The following CSMD1 variants were observed in gnomAD, a reference collection of about 807,000 sequenced individuals.
The protein encoded by CSMD1 is CUB and Sushi multiple domains 1.
Under a neutral mutation model 417.5 loss-of-function variants are expected in CSMD1, and 213 were observed. The observed-to-expected ratio is 0.51, with a 90% CI of 0.46 to 0.57. The LOEUF is 0.57. Ranked by LOEUF, CSMD1 falls within the 20% of genes least tolerant of loss-of-function variation. CSMD1 has a pLI of 0.00. For missense variants in CSMD1, 6,923 were observed against 4,529.7 expected (o/e 1.53, Z -15.17); for synonymous variants, 2,862 against 1,736.8 (o/e 1.65, Z -16.11).
At chr8:3,273,339 T>C (rs1802013573) in intron 26 of CSMD1, among the ~76,000 whole-genome samples, 1 of 152,104 alleles carries the variant, frequency 6.6e-6, no homozygotes, top group Admixed American at 6.5e-5. Flanking sequence ...TTTGCCAGTA[T>C]TTTATTGAGG....
chr8:4,390,497 T>TTTTATTTATTTGTTTATTTA (rs1803772211), intron 3 of CSMD1, among the ~76,000 whole-genome samples: 1 of 140,324 alleles, frequency 7.1e-6, no homozygotes, highest in South Asian at 2.3e-4. Context: ...AAGCGTCCAT[T>TTTTATTTATTTGTTTATTTA]TTTATTTATT....
chr8:3,712,371 A>T, intron 6 of CSMD1, among the ~76,000 whole-genome samples: 1 of 125,830 alleles, frequency 7.9e-6, no homozygotes, highest in Non-Finnish European at 1.7e-5. Flanking sequence ...TTTGCAAAGA[A>T]ACAGGAGAGA....
intron 6 of CSMD1, among the ~76,000 whole-genome samples, chr8:3,738,921 C>G (rs1255669325): frequency 3.3e-5 from 5 of 152,126 alleles, no homozygotes; most frequent in Non-Finnish European, 7.4e-5. Context: ...ATGGTCTTCC[C>G]TCTGTCCTTG....
intron 5 of CSMD1, among the ~76,000 whole-genome samples, chr8:3,800,235 T>C (rs1800382698): frequency 6.6e-6 from 1 of 152,276 alleles, no homozygotes; most frequent in East Asian, 1.9e-4. Context: ...GATGATACAG[T>C]CATCCTTTAT....
chr8:4,059,534 A>T (rs1435327022), intron 3 of CSMD1, among the ~76,000 whole-genome samples: 1 of 152,172 alleles, frequency 6.6e-6, no homozygotes, highest in Non-Finnish European at 1.5e-5. Context: ...AACAAAATTG[A>T]TAGACTGCTA....
intron 2 of CSMD1, among the ~76,000 whole-genome samples, chr8:4,583,694 A>G (rs1015884130): frequency 4.6e-5 from 7 of 152,102 alleles, no homozygotes; most frequent in Non-Finnish European, 7.4e-5. Flanking sequence ...GAACCTTTGT[A>G]TCTAGCTCAG....
chr8:4,362,610 T>A (rs1801836429), intron 3 of CSMD1, among the ~76,000 whole-genome samples: 1 of 152,146 alleles, frequency 6.6e-6, no homozygotes, highest in East Asian at 1.9e-4. Flanking sequence ...ATAAACATTC[T>A]TTTCTCTTTT....
chr8:4,041,923 A>C (rs1324830929), intron 3 of CSMD1, among the ~76,000 whole-genome samples: 1 of 152,204 alleles, frequency 6.6e-6, no homozygotes, highest in South Asian at 2.1e-4. Context: ...AACATTAATG[A>C]ACATGTAGAG....
chr8:3,892,877 G>A (rs1039309908), intron 5 of CSMD1, among the ~76,000 whole-genome samples: 12 of 151,906 alleles, frequency 7.9e-5, no homozygotes, highest in African/African-American at 2.9e-4. Flanking sequence ...GCAGGTGAGT[G>A]GAGAGGATGG....
chr8:3,897,077 C>G (rs956662357), intron 5 of CSMD1, among the ~76,000 whole-genome samples: 3 of 151,908 alleles, frequency 2.0e-5, no homozygotes, highest in Admixed American at 6.6e-5. Context: ...TGGAAGTTTC[C>G]GAATGTTCCT....
At chr8:4,384,859 T>G (rs965232728) in intron 3 of CSMD1, among the ~76,000 whole-genome samples, 1 of 151,370 alleles carries the variant, frequency 6.6e-6, no homozygotes, top group Admixed American at 6.6e-5. Context: ...TGTTTGATCT[T>G]AACAAATACA....
chr8:4,622,543 T>C (rs1801843723), intron 2 of CSMD1, among the ~76,000 whole-genome samples: 2 of 152,118 alleles, frequency 1.3e-5, no homozygotes, highest in South Asian at 4.1e-4. Context: ...CACCCTCTAC[T>C]GAGAAAGCTT....
intron 1 of CSMD1, among the ~76,000 whole-genome samples, chr8:4,752,497 A>G (rs1811396397): frequency 6.6e-6 from 1 of 152,156 alleles, no homozygotes; most frequent in South Asian, 2.1e-4. Flanking sequence ...GGCTTTGGTT[A>G]TAAGGGCTAA....
intron 5 of CSMD1, among the ~76,000 whole-genome samples, chr8:3,766,015 G>C (rs1048486836): frequency 1.3e-5 from 2 of 152,216 alleles, no homozygotes; most frequent in Non-Finnish European, 2.9e-5. Flanking sequence ...GAGAGGATGT[G>C]ACAAAGCCCA....
rs555371554 is a variant in CSMD1 at position 3,814,537 on chromosome 8, C to T, written c.819-60495G>A. On this transcript the variant is annotated intron_variant, in intron 5 of 69. Coordinates refer to ENST00000635120, the MANE Select transcript of CSMD1 (RefSeq NM_033225.6). Reference sequence around the variant, plus strand: ...GACGCCATTTGGCACTACCTGGAGACGCCTGTGGTTGTGATATCAGGGTGG... The same window carrying T: ...GACGCCATTTGGCACTACCTGGAGATGCCTGTGGTTGTGATATCAGGGTGG... Among the ~76,000 whole-genome samples, 84 of 152,254 alleles carry T rather than the reference C, an allele frequency of 5.5e-4. 1 individual carries two copies. Among genetic ancestry groups the T allele is most frequent in the Middle Eastern group, 3.4e-3 (1 of 294 alleles).
chr8:4,959,622 G>C (rs999254105), intron 1 of CSMD1, among the ~76,000 whole-genome samples: 1 of 152,210 alleles, frequency 6.6e-6, no homozygotes, highest in African/African-American at 2.4e-5. Flanking sequence ...CTGGCTTCCA[G>C]CCTTGTTCCT....
chr8:2,945,419 C>A (rs1226058074), intron 68 of CSMD1, among the ~76,000 whole-genome samples: 2 of 152,154 alleles, frequency 1.3e-5, no homozygotes, highest in African/African-American at 4.8e-5. Flanking sequence ...TTTAGCCAGT[C>A]TACTGTCCAG....
intron 3 of CSMD1, among the ~76,000 whole-genome samples, chr8:4,122,226 G>C (rs1296467010): frequency 3.3e-5 from 5 of 152,128 alleles, no homozygotes; most frequent in South Asian, 2.1e-4. Flanking sequence ...GCTGACTTTT[G>C]TGAGGGAAGT....
At chr8:3,263,949 G>C (rs1157432751) in intron 26 of CSMD1, among the ~76,000 whole-genome samples, 2 of 152,144 alleles carry the variant, frequency 1.3e-5, no homozygotes, top group African/African-American at 2.4e-5. Context: ...TTTAAACTTT[G>C]AATGCAGCAT....
Sources: allele counts gnomAD v4.1 joint callset (sites outside exome capture counted in the v4.1 genomes callset), GRCh38; gene constraint gnomAD v4.1.1; transcripts MANE v1.5; gene names NCBI Gene and HGNC (gene_info 2026-07-23, HGNC 2026-07-21).